The following PALM2AKAP2 variants were observed in gnomAD, a reference collection of about 807,000 sequenced individuals.
PALM2AKAP2 encodes the protein PALM2-AKAP2 fusion protein.
In PALM2AKAP2, 37 loss-of-function variants were observed where a neutral mutation model predicts 71.5. The ratio of observed to expected loss-of-function variants is 0.52; its 90% CI spans 0.40 to 0.68. PALM2AKAP2 has a LOEUF of 0.68. Ranked by LOEUF, PALM2AKAP2 falls within the 30% of genes least tolerant of loss-of-function variation. PALM2AKAP2 has a pLI of 0.00. For synonymous variants in PALM2AKAP2, 468 were observed against 478.8 expected (o/e 0.98, Z 0.29); for missense variants, 1,224 against 1,191.8 (o/e 1.03, Z -0.40).
chr9:110,037,140 A>G (rs1833424768), intron 7 of PALM2AKAP2, among the ~76,000 whole-genome samples: 3 of 149,314 alleles, frequency 2.0e-5, no homozygotes, highest in East Asian at 2.0e-4. Context: ...TCCATGCCAT[A>G]TTAGGTTGTA....
intron 7 of PALM2AKAP2, among the ~76,000 whole-genome samples, chr9:110,027,237 A>G (rs1833197640): frequency 6.6e-6 from 1 of 152,144 alleles, no homozygotes; most frequent in Admixed American, 6.5e-5. Context: ...GCAAGTCCCA[A>G]ATCACACCTG....
intron 5 of PALM2AKAP2, among the ~76,000 whole-genome samples, chr9:109,925,563 G>T (rs1360185745): frequency 6.6e-6 from 1 of 152,098 alleles, no homozygotes; most frequent in Non-Finnish European, 1.5e-5. Flanking sequence ...TCTCTGATCA[G>T]ACAACTGTCG....
At chr9:110,093,583 T>C (rs776528248) in intron 1 of PALM2AKAP2, among the ~76,000 whole-genome samples, 6 of 152,192 alleles carry the variant, frequency 3.9e-5, no homozygotes, top group Non-Finnish European at 8.8e-5. Context: ...AAGGCTGGCA[T>C]AGCTACTCTA....
intron 6 of PALM2AKAP2, among the ~76,000 whole-genome samples, chr9:109,946,960 T>C (rs1463216416): frequency 6.6e-6 from 1 of 152,234 alleles, no homozygotes; most frequent in Non-Finnish European, 1.5e-5. Context: ...TTTCAGCTTG[T>C]ATCTCTTTTA....
intron 2 of PALM2AKAP2, among the ~76,000 whole-genome samples, chr9:109,872,646 TGAATGAAAAAA>T (rs1164235706): frequency 6.6e-6 from 1 of 152,192 alleles, no homozygotes; most frequent in Non-Finnish European, 1.5e-5. Context: ...CCAAGAAAGC[TGAATGAAAAAA>T]GATGAAAGGC....
chr9:109,663,080 T>C (rs1004994162), intron 1 of PALM2AKAP2, among the ~76,000 whole-genome samples: 3 of 152,158 alleles, frequency 2.0e-5, no homozygotes, highest in African/African-American at 7.2e-5. Context: ...TCTTCTCTCC[T>C]TTCTTCTTTA....
intron 1 of PALM2AKAP2, among the ~76,000 whole-genome samples, chr9:109,716,888 G>A (rs1287417409): frequency 1.3e-5 from 2 of 152,130 alleles, no homozygotes; most frequent in African/African-American, 2.4e-5. Flanking sequence ...ATGAGTAAGT[G>A]AAGAAAAATG....
intron 6 of PALM2AKAP2, among the ~76,000 whole-genome samples, chr9:109,939,192 T>G (rs1204997657): frequency 6.6e-6 from 1 of 152,214 alleles, no homozygotes; most frequent in African/African-American, 2.4e-5. Flanking sequence ...ATACAGTTTT[T>G]ACTCTCTTTC....
chr9:109,647,771 C>G (rs887936721), intron 1 of PALM2AKAP2, among the ~76,000 whole-genome samples: 2 of 152,200 alleles, frequency 1.3e-5, no homozygotes, highest in Non-Finnish European at 2.9e-5. Flanking sequence ...CAGTGAAAAT[C>G]ACTTACAAAG....
intron 1 of PALM2AKAP2, among the ~76,000 whole-genome samples, chr9:109,724,522 A>G (rs573489572): frequency 4.9e-4 from 61 of 124,900 alleles, no homozygotes; most frequent in African/African-American, 1.7e-3. Flanking sequence ...ACAGTAAGGT[A>G]CTAGAGCAGG....
intron 1 of PALM2AKAP2, among the ~76,000 whole-genome samples, chr9:109,660,600 T>C (rs1176716796): frequency 1.3e-5 from 2 of 151,636 alleles, no homozygotes; most frequent in East Asian, 3.9e-4. Context: ...CTATCATTGA[T>C]GGACATTTGG....
At chr9:110,151,863 C>T (rs867217188) in intron 2 of PALM2AKAP2, among the ~76,000 whole-genome samples, 1 of 152,236 alleles carries the variant, frequency 6.6e-6, no homozygotes, top group South Asian at 2.1e-4. Flanking sequence ...TCAGCCAAGA[C>T]CAATACGGAC....
intron 1 of PALM2AKAP2, among the ~76,000 whole-genome samples, chr9:110,106,231 C>A (rs1288396932): frequency 6.6e-6 from 1 of 152,188 alleles, no homozygotes; most frequent in Non-Finnish European, 1.5e-5. Flanking sequence ...CAAGTGGGAC[C>A]ACCCAGGATG....
intron 3 of PALM2AKAP2, among the ~76,000 whole-genome samples, chr9:109,900,513 C>T (rs1238630102): frequency 6.6e-6 from 1 of 152,150 alleles, no homozygotes; most frequent in Non-Finnish European, 1.5e-5. Context: ...AAGTAGTGAC[C>T]ATGGAGGACC....
intron 7 of PALM2AKAP2, among the ~76,000 whole-genome samples, chr9:110,023,280 G>T (rs1218403445): frequency 4.9e-5 from 7 of 144,274 alleles, no homozygotes; most frequent in Non-Finnish European, 1.1e-4. Flanking sequence ...TCTAACTGGT[G>T]TGAGATGGTA....
chr9:109,660,369 C>G (rs138920444), intron 1 of PALM2AKAP2, among the ~76,000 whole-genome samples: 6 of 152,220 alleles, frequency 3.9e-5, no homozygotes, highest in Non-Finnish European at 8.8e-5. Flanking sequence ...CCGACAGGCC[C>G]TGGTGTGTGA....
At chr9:109,835,759 C>T (rs760469909) in intron 1 of PALM2AKAP2, among the ~76,000 whole-genome samples, 24 of 152,192 alleles carry the variant, frequency 1.6e-4, no homozygotes, top group Non-Finnish European at 2.5e-4. Context: ...GAGGGTACCA[C>T]GCCCATGGAG....
intron 1 of PALM2AKAP2, among the ~76,000 whole-genome samples, chr9:110,120,870 T>C (rs1175969586): frequency 6.6e-6 from 1 of 152,126 alleles, no homozygotes; most frequent in African/African-American, 2.4e-5. Context: ...GACTGCAGGA[T>C]GCAGTGGGGA....
At chr9:109,671,485 A>T (rs765487426) in intron 1 of PALM2AKAP2, among the ~76,000 whole-genome samples, 1 of 152,090 alleles carries the variant, frequency 6.6e-6, no homozygotes, top group Non-Finnish European at 1.5e-5. Context: ...TACCAGTACC[A>T]TGTTGTTTTG....
Sources: gnomAD v4.1 joint callset for allele counts (sites outside exome capture counted in the v4.1 genomes callset) on GRCh38, gnomAD v4.1.1 for gene constraint, MANE v1.5 for transcripts, NCBI Gene and HGNC (gene_info 2026-07-23, HGNC 2026-07-21) for gene names.